DNAH7: variants seen among roughly 807,000 people sequenced by gnomAD.
DNAH7 encodes the protein dynein axonemal heavy chain 7, also known as axonemal beta dynein heavy chain 7.
DNAH7 carries 397 observed loss-of-function variants against 444.6 expected under a neutral mutation model. The ratio of observed to expected loss-of-function variants is 0.89; its 90% confidence interval spans 0.82 to 0.97. DNAH7 has a LOEUF of 0.97. Ranked by LOEUF, DNAH7 falls within the 50% of genes least tolerant of loss-of-function variation. The pLI, the probability that DNAH7 is intolerant of heterozygous loss-of-function variation, is 0.00. For synonymous variants in DNAH7, 1,636 were observed against 1,624.4 expected (o/e 1.01, Z -0.17); for missense variants, 4,902 against 4,800.8 (o/e 1.02, Z -0.62).
intron 17 of DNAH7, among the ~76,000 whole-genome samples, chr2:195,967,444 T>C (rs1691557867): frequency 6.6e-6 from 1 of 152,210 alleles, no homozygotes; most frequent in Non-Finnish European, 1.5e-5. Flanking sequence ...TGCTTATTAT[T>C]ACCAGTGAGT....
intron 14 of DNAH7, among the ~76,000 whole-genome samples, chr2:195,985,724 A>AG (rs1279773640): frequency 6.6e-6 from 1 of 152,210 alleles, no homozygotes; most frequent in Non-Finnish European, 1.5e-5. Context: ...GAACATTAAG[A>AG]GGCAGGGGAA....
chr2:195,939,450 T>A (rs904254635), intron 19 of DNAH7, among the ~76,000 whole-genome samples: 3 of 152,080 alleles, frequency 2.0e-5, no homozygotes, highest in Non-Finnish European at 4.4e-5. Context: ...CTTGGGCTCA[T>A]ACAGGGAAAC....
At position 195,906,824 on chromosome 2, in the gene DNAH7, A is replaced by G. The variant is rs371799188; in HGVS notation, c.4208-38T>C. The G allele has an allele frequency of 2.0e-4, 324 of 1,611,530 alleles. 3 individuals are homozygous for G. The African/African-American group carries it at 3.9e-3, about 20-fold the overall frequency. ...AGGAATGAAATGACTTAGTAATACC[A>G]CATATAAACATGAGCTGTGCCATTC... On this transcript the variant is annotated intron_variant, in intron 26 of 64. Transcript: ENST00000312428.
chr2:195,999,600 A>T (rs1440242308), intron 12 of DNAH7, among the ~76,000 whole-genome samples: 1 of 152,210 alleles, frequency 6.6e-6, no homozygotes, highest in Admixed American at 6.5e-5. Flanking sequence ...AGTATCGCAT[A>T]CAGAGTATTA....
intron 8 of DNAH7, among the ~76,000 whole-genome samples, chr2:196,020,534 C>T (rs1038217519): frequency 1.3e-5 from 2 of 151,576 alleles, no homozygotes; most frequent in South Asian, 2.1e-4. Context: ...AAAAGTTGTT[C>T]TCCCTAGAGG....
At chr2:195,828,635 T>C (rs1356329179) in intron 48 of DNAH7, among the ~76,000 whole-genome samples, 2 of 148,884 alleles carry the variant, frequency 1.3e-5, no homozygotes, top group Admixed American at 1.3e-4. Context: ...TTCTATTGCA[T>C]ATTTGCTTAG....
At position 195,900,362 on chromosome 2, in the gene DNAH7, C is replaced by T. The variant is rs760673302; in HGVS notation, c.4468G>A (p.Glu1490Lys). The part of the protein sequence containing the change: ...KIVATYRLCS[E>K]QLSSQHHYDY... ...TAGTGATGTTGAGATGACAGCTGCT[C>T]TGAACACAAGCGATACGTAGCCACA... The change falls in exon 28 of 65, where the codon GAG (glutamate) becomes AAG (lysine). Residue 1490 changes from glutamate (E) to lysine (K), a missense_variant. By Grantham distance (56) the Glu-to-Lys change is moderately conservative. Transcript: ENST00000312428. 6.2e-7 allele frequency: 1 copy of T among 1,614,002 alleles called. No individual in the cohort carries two copies. The highest frequency in any genetic ancestry group is 2.2e-5 in the East Asian group (1 of 44,870).
At chr2:196,028,405 A>G (rs1023645455) in intron 5 of DNAH7, among the ~76,000 whole-genome samples, 1 of 152,172 alleles carries the variant, frequency 6.6e-6, no homozygotes, top group Admixed American at 6.5e-5. Context: ...TATAGATATG[A>G]GTTTTAAAAA....
chr2:195,857,880 T>C (rs1247852931), intron 43 of DNAH7, among the ~76,000 whole-genome samples, 157 bp from the exon 44 acceptor site: 4 of 152,190 alleles, frequency 2.6e-5, no homozygotes, highest in Non-Finnish European at 4.4e-5. Flanking sequence ...TTCTCCTCAG[T>C]CCCACCCAAA....
At chr2:195,766,079 G>A (rs956243401) in intron 61 of DNAH7, among the ~76,000 whole-genome samples, 6 of 151,720 alleles carry the variant, frequency 4.0e-5, no homozygotes, top group Non-Finnish European at 7.4e-5. Context: ...CAACAAAATG[G>A]ATGGAACCTG....
At chr2:195,894,774 C>T (rs931935148) in intron 30 of DNAH7, 8 of 403,586 alleles carry the variant, frequency 2.0e-5, no homozygotes, top group African/African-American at 6.2e-5. Context: ...AATAAAAGGT[C>T]GAAAGCAAGT....
intron 15 of DNAH7, among the ~76,000 whole-genome samples, chr2:195,980,576 T>C (rs1374703216): frequency 1.3e-5 from 2 of 152,170 alleles, no homozygotes; most frequent in Non-Finnish European, 2.9e-5. Flanking sequence ...TTTAAGATAA[T>C]ATCTCTGATG....
chr2:195,815,463 C>A (rs1306271878), intron 51 of DNAH7, among the ~76,000 whole-genome samples: 1 of 152,030 alleles, frequency 6.6e-6, no homozygotes. Flanking sequence ...TAAGAACACT[C>A]AAAATTTTAG....
chr2:195,828,196 A>C lies in DNAH7; in HGVS notation c.9101-3751T>G, dbSNP rs187969835. On this transcript the variant is annotated intron_variant, in intron 48 of 64. Transcript: ENST00000312428. ...GTTTTGTCAAGTATCAAGACAGAAA[A>C]TATAATTCCCCATTGTCTTAAGGTA... Among the ~76,000 whole-genome samples the C allele has an allele frequency of 1.6e-4, 24 of 152,336 alleles. 1 individual carries two copies. Among genetic ancestry groups the C allele is most frequent in the Admixed American group, 1.6e-3 (24 of 15,298 alleles).
rs1553599389 is a variant in DNAH7 at position 195,987,189 on chromosome 2, AT to A, written c.1630del (p.Ile544PhefsTer3). 24 of 1,575,336 alleles carry A rather than the reference AT, an allele frequency of 1.5e-5. No individual in the cohort carries two copies. The highest frequency in any genetic ancestry group is 2.0e-5 in the Non-Finnish European group (23 of 1,163,026). ...EEIQYTSIKT[I>X]RLGMFEMHCE... is the part of the protein sequence containing the mutation. ...GTGCATTTCAAACATTCCTAAACGA[AT>A]AGTCTGCAAAAGATTAAAAGTTTAA... On this transcript the variant is annotated frameshift_variant, in exon 14 of 65. Transcript: ENST00000312428. LOFTEE classifies it high-confidence loss of function.
intron 9 of DNAH7, among the ~76,000 whole-genome samples, chr2:196,017,592 T>G (rs1695112231): frequency 1.3e-5 from 2 of 152,058 alleles, no homozygotes; most frequent in African/African-American, 4.8e-5. Context: ...ATTCAAATAT[T>G]ACAAGAAAAA....
At chr2:195,873,759 A>T in intron 38 of DNAH7, 65 bp from the exon 39 acceptor site, 1 of 1,231,088 alleles carries the variant, frequency 8.1e-7, no homozygotes, top group East Asian at 3.0e-5. Context: ...TTTCTCAAAT[A>T]TTCTATAGTT....
In DNAH7 at chr2:195,796,437, C is replaced by T. The variant is rs553060820; in HGVS notation, c.10515+139G>A. On this transcript the variant is annotated intron_variant, in intron 56 of 64. Transcript: ENST00000312428. The stretch of plus-strand genomic sequence containing the variant: ...CTCCAGATCTGGTTTTCAATGTGAG[C>T]CTCTCTCTCCTGCAATCCAGCCAAA... The T allele has an allele frequency of 7.0e-6, 7 of 1,006,990 alleles. No homozygotes were observed. The South Asian group carries it at 1.3e-4, about 18-fold the overall frequency. 62.4% of individuals were successfully genotyped at this position (1,006,990 alleles called of 1,614,324 possible).
chr2:195,988,030 C>G lies in DNAH7; in HGVS notation c.1553G>C (p.Ser518Thr), dbSNP rs554239689. ...DVDNFLAENH[S>T]YEKIIDEICK... ...AATTTCATCTATTATTTTTTCATAA[C>G]TATGATTTTCTGCGAGGAAGTTATC... The change falls in exon 13 of 65, where the codon AGT becomes ACT. Residue 518 changes from serine to threonine, a missense_variant. Coordinates refer to ENST00000312428, the MANE Select transcript of DNAH7 (RefSeq NM_018897.3). 7.4e-6 allele frequency: 12 copies of G among 1,613,008 alleles called. No homozygotes were observed. The highest frequency in any genetic ancestry group is 1.0e-5 in the Non-Finnish European group (12 of 1,179,554).
Sources: allele counts gnomAD v4.1 joint callset (sites outside exome capture counted in the v4.1 genomes callset), GRCh38; gene constraint gnomAD v4.1.1; transcripts MANE v1.5; gene names NCBI Gene and HGNC (gene_info 2026-07-23, HGNC 2026-07-21).